The following PDZD2 variants were observed in gnomAD, a reference collection of about 807,000 sequenced individuals.
The protein encoded by PDZD2 is PDZ domain containing 2, also known as PDZ domain-containing protein 2.
PDZD2 carries 90 observed loss-of-function variants against 220.7 expected under a neutral mutation model. The observed-to-expected ratio is 0.41, with a 90% CI of 0.34 to 0.49. The LOEUF is 0.49. PDZD2 is among the 20% of genes least tolerant of loss of function. The pLI is 0.28. For synonymous variants in PDZD2, 1,375 were observed against 1,450.5 expected (o/e 0.95, Z 1.18); for missense variants, 3,174 against 3,608.5 (o/e 0.88, Z 3.08).
chr5:32,028,234 C>T (rs1459750397), intron 6 of PDZD2, among the ~76,000 whole-genome samples: 1 of 152,102 alleles, frequency 6.6e-6, no homozygotes, highest in Non-Finnish European at 1.5e-5. Context: ...CTCAGGATTG[C>T]GACATGCTAT....
At chr5:31,923,032 C>T (rs1744418778) in intron 2 of PDZD2, among the ~76,000 whole-genome samples, 1 of 151,920 alleles carries the variant, frequency 6.6e-6, no homozygotes, top group African/African-American at 2.4e-5. Context: ...GTGGCTCATG[C>T]CTGAAATCCC....
In PDZD2 at chr5:31,914,575, G is replaced by A. The variant is rs576659474; in HGVS notation, c.477-68580G>A. Among the ~76,000 whole-genome samples, 4 of 152,314 alleles carry A rather than the reference G, an allele frequency of 2.6e-5. No individual in the cohort carries two copies. The South Asian group carries it at 8.3e-4, about 32-fold the overall frequency. On this transcript the variant is annotated intron_variant, in intron 2 of 24. Transcript: ENST00000438447. ...GATCCTAACACAGGGATCTCATTTT[G>A]AAAAGGAAAAATTTAGGAGTAGATA...
rs1004719931 is a variant in PDZD2 at position 31,793,258 on chromosome 5, G to C, written c.-360-5631G>C. Among the ~76,000 whole-genome samples the C allele has an allele frequency of 3.4e-5, 4 of 117,686 alleles. No homozygotes were observed. The Admixed American group carries it at 4.5e-4, about 13-fold the overall frequency. 77.2% of individuals were successfully genotyped at this position (117,686 alleles called of 152,430 possible). A position where few individuals can be genotyped will look rare whatever the true frequency, so the allele number is the denominator to read the frequency against. Reference sequence around the variant, plus strand: ...AAGGTGGTTGTGAGGATTGTGGGGTGGGGGGTGGGGGAACAGAAGAAGAAA... The same window carrying C: ...AAGGTGGTTGTGAGGATTGTGGGGTCGGGGGTGGGGGAACAGAAGAAGAAA... On this transcript the variant is annotated intron_variant, in intron 1 of 24. Coordinates refer to ENST00000438447, the MANE Select transcript of PDZD2 (RefSeq NM_178140.4).
chr5:31,903,941 C>T (rs1392466994), intron 2 of PDZD2, among the ~76,000 whole-genome samples: 1 of 151,652 alleles, frequency 6.6e-6, no homozygotes, highest in Non-Finnish European at 1.5e-5. Context: ...TCAGGCTGGT[C>T]TCTAACTCCT....
Position 32,003,331 on chromosome 5 carries a change from C to CCACACACA in PDZD2, c.1254+3063_1254+3064insACACACAC, listed in dbSNP as rs1238126908. ...CCACACACACCCCACACACACACCC[C>CCACACACA]CACCACACCACACACACACCACACA... On this transcript the variant is annotated intron_variant, in intron 5 of 24. Coordinates refer to ENST00000438447, the MANE Select transcript of PDZD2 (RefSeq NM_178140.4). Among the ~76,000 whole-genome samples the CCACACACA allele has an allele frequency of 2.9e-5, 2 of 69,710 alleles. 1 individual carries two copies. The highest frequency in any genetic ancestry group is 4.9e-5 in the Non-Finnish European group (2 of 40,710). 45.7% of individuals were successfully genotyped at this position (69,710 alleles called of 152,430 possible). A position where few individuals can be genotyped will look rare whatever the true frequency, so the allele number is the denominator to read the frequency against.
chr5:31,777,374 C>T (rs71627325), intron 1 of PDZD2, among the ~76,000 whole-genome samples: 2 of 152,234 alleles, frequency 1.3e-5, no homozygotes, highest in Non-Finnish European at 2.9e-5. Context: ...CCCGCCATGC[C>T]TGAGCCCCCC....
chr5:31,807,502 G>A (rs747652549), intron 2 of PDZD2, among the ~76,000 whole-genome samples: 59 of 152,340 alleles, frequency 3.9e-4, no homozygotes, highest in African/African-American at 1.1e-3. Context: ...CTCAGGCAAC[G>A]TGGACCCAGA....
intron 2 of PDZD2, among the ~76,000 whole-genome samples, chr5:31,961,086 A>G (rs928082690): frequency 3.9e-5 from 6 of 152,206 alleles, no homozygotes; most frequent in Admixed American, 3.3e-4. Flanking sequence ...TAGGTCTGCT[A>G]TTGACTGCCT....
rs56898466 is a variant in PDZD2 at position 32,067,952 on chromosome 5, G to A, written c.2452-1617G>A. On this transcript the variant is annotated intron_variant, in intron 14 of 24. Coordinates refer to ENST00000438447, the MANE Select transcript of PDZD2 (RefSeq NM_178140.4). ...ATGGGGTACAAATATATTGGAGAGC[G>A]GGATATTTACATAGTCTCAAACTGT... Among the ~76,000 whole-genome samples, 1,424 of 152,208 alleles carry A rather than the reference G, an allele frequency of 9.4e-3. 25 individuals are homozygous for A. The highest frequency in any genetic ancestry group is 0.033 in the African/African-American group (1,368 of 41,506).
chr5:31,912,165 C>G (rs1743265708), intron 2 of PDZD2, among the ~76,000 whole-genome samples: 1 of 152,138 alleles, frequency 6.6e-6, no homozygotes, highest in Non-Finnish European at 1.5e-5. Flanking sequence ...AAACTTATTT[C>G]CCATAGTCTA....
intron 19 of PDZD2, among the ~76,000 whole-genome samples, chr5:32,084,287 A>G (rs547470344): frequency 4.6e-5 from 7 of 152,210 alleles, no homozygotes; most frequent in Non-Finnish European, 8.8e-5. Flanking sequence ...GGGTTTAGGC[A>G]GTAGCATGGG....
intron 2 of PDZD2, among the ~76,000 whole-genome samples, chr5:31,818,642 GTTC>G (rs1420367861): frequency 6.6e-6 from 1 of 152,030 alleles, no homozygotes; most frequent in Non-Finnish European, 1.5e-5. Context: ...TCTGTGGCTC[GTTC>G]TTCTCCTGTT....
At chr5:31,763,364 A>G (rs961724109) in intron 1 of PDZD2, among the ~76,000 whole-genome samples, 4 of 152,148 alleles carry the variant, frequency 2.6e-5, no homozygotes, top group Non-Finnish European at 5.9e-5. Flanking sequence ...TACCTCAGCC[A>G]TGAGCCTCTG....
Position 32,108,853 on chromosome 5 carries a change from G to C in PDZD2, c.*718G>C, listed in dbSNP as rs1236171126. The C allele has an allele frequency of 6.6e-6, 1 of 152,666 alleles. No individual in the cohort carries two copies. The highest frequency in any genetic ancestry group is 1.5e-5 in the Non-Finnish European group (1 of 68,040). 9.5% of individuals were successfully genotyped at this position (152,666 alleles called of 1,614,324 possible). On this transcript the variant is annotated 3_prime_UTR_variant, in exon 25 of 25. Transcript: ENST00000438447. The stretch of plus-strand genomic sequence containing the variant: ...ATTGATCATTTTCTATCTCAAAAGT[G>C]TAAGCCATAAGGCTGTTTTACAGAA...
intron 1 of PDZD2, among the ~76,000 whole-genome samples, chr5:31,692,035 C>T (rs1747157746): frequency 1.3e-5 from 2 of 152,186 alleles, no homozygotes; most frequent in African/African-American, 4.8e-5. Context: ...CTTGGGTGGT[C>T]GATGGGACTG....
chr5:31,940,921 ATTC>A (rs1201898184), intron 2 of PDZD2, among the ~76,000 whole-genome samples: 2 of 152,236 alleles, frequency 1.3e-5, no homozygotes, highest in South Asian at 2.1e-4. Flanking sequence ...AAAACTTAAA[ATTC>A]TTACAAACTC....
At chr5:31,894,258 T>G (rs569475607) in intron 2 of PDZD2, among the ~76,000 whole-genome samples, 21 of 152,038 alleles carry the variant, frequency 1.4e-4, no homozygotes, top group Admixed American at 9.8e-4. Flanking sequence ...GAATTTGCAC[T>G]GAAGTTTCGA....
At chr5:31,648,344 T>C (rs1246858543) in intron 1 of PDZD2, among the ~76,000 whole-genome samples, 2 of 152,296 alleles carry the variant, frequency 1.3e-5, no homozygotes, top group East Asian at 1.9e-4. Flanking sequence ...ATCCTTGATA[T>C]GTCTCTTTCA....
intron 2 of PDZD2, among the ~76,000 whole-genome samples, chr5:31,922,090 T>C (rs1386028170): frequency 1.2e-5 from 1 of 86,154 alleles, no homozygotes; most frequent in Non-Finnish European, 2.2e-5. Context: ...TTAGAGAAAA[T>C]TCTTCTTGTG....
Sources: allele counts gnomAD v4.1 joint callset (sites outside exome capture counted in the v4.1 genomes callset), GRCh38; gene constraint gnomAD v4.1.1; transcripts MANE v1.5; gene names NCBI Gene and HGNC (gene_info 2026-07-23, HGNC 2026-07-21).